Variants in SYPL1 observed in about 807,000 individuals in gnomAD.
SYPL1 encodes the protein synaptophysin-like protein 1.
In SYPL1, 6 loss-of-function variants were observed where a neutral mutation model predicts 23.7. The ratio of observed to expected loss-of-function variants is 0.25; its 90% CI spans 0.14 to 0.50. SYPL1 has a LOEUF of 0.50. SYPL1 is among the 20% of genes least tolerant of loss of function. The probability of loss-of-function intolerance (pLI) is 0.98; values close to 1 mark genes in which losing one functional copy is unlikely to be tolerated. For missense variants in SYPL1, 253 were observed against 288.9 expected (o/e 0.88, Z 0.90); for synonymous variants, 102 against 104.5 (o/e 0.98, Z 0.15).
At position 106,091,781 on chromosome 7, in the gene SYPL1, C is replaced by A; in HGVS notation, c.*24G>T. ...CATGTCATAGTATCAACATATACTT[C>A]ATACAGTGTATTTCTCCCTTTAATT... On this transcript the variant is annotated 3_prime_UTR_variant, in exon 5 of 5. Coordinates refer to ENST00000455385, the MANE Select transcript of SYPL1 (RefSeq NM_182715.4). The surrounding 1 kb of genome is among the most constrained non-coding windows in gnomAD (Gnocchi z 5.0). 6.3e-7 allele frequency: 1 copy of A among 1,599,672 alleles called. No homozygotes were observed. The highest frequency in any genetic ancestry group is 8.5e-7 in the Non-Finnish European group (1 of 1,175,514).
At chr7:106,107,397 A>G (rs1840658638) in intron 1 of SYPL1, among the ~76,000 whole-genome samples, 1 of 152,340 alleles carries the variant, frequency 6.6e-6, no homozygotes, top group Admixed American at 6.5e-5. Flanking sequence ...CTAATGTACA[A>G]TAGTAGAAAA....
intron 3 of SYPL1, among the ~76,000 whole-genome samples, chr7:106,093,966 G>T (rs1301634711): frequency 6.6e-6 from 1 of 152,212 alleles, no homozygotes; most frequent in African/African-American, 2.4e-5. Context: ...TGGTTCTAAT[G>T]GGTGGTTTTA....
chr7:106,108,165 G>T (rs1478698780), intron 1 of SYPL1, among the ~76,000 whole-genome samples: 1 of 152,164 alleles, frequency 6.6e-6, no homozygotes, highest in Non-Finnish European at 1.5e-5. Flanking sequence ...CTGCACTCCA[G>T]CCTGGACAAG....
chr7:106,093,563 CCTT>C (rs1403728899), intron 3 of SYPL1, among the ~76,000 whole-genome samples: 9 of 69,118 alleles, frequency 1.3e-4, no homozygotes, highest in Non-Finnish European at 2.8e-4. Context: ...TCCTAAAACT[CCTT>C]TGACCCCACC....
At chr7:106,111,324 T>C (rs1452623415) in intron 1 of SYPL1, among the ~76,000 whole-genome samples, 1 of 152,214 alleles carries the variant, frequency 6.6e-6, no homozygotes, top group Admixed American at 6.5e-5. Flanking sequence ...TGCAGAAATA[T>C]GTAGTGGGCC....
intron 1 of SYPL1, among the ~76,000 whole-genome samples, chr7:106,107,093 G>C (rs181908643): frequency 6.6e-6 from 1 of 152,106 alleles, no homozygotes; most frequent in Non-Finnish European, 1.5e-5. Flanking sequence ...TTCAAAAATA[G>C]ATATAAAAGT....
chr7:106,102,343 G>A (rs1218973435), intron 1 of SYPL1, among the ~76,000 whole-genome samples: 3 of 152,172 alleles, frequency 2.0e-5, no homozygotes, highest in African/African-American at 2.4e-5. Context: ...TGATCCACCC[G>A]CCTTGGCCTC....
Position 106,095,029 on chromosome 7 carries a change from C to A in SYPL1, c.403-1892G>T, listed in dbSNP as rs913810720. ...TGCAGCTGCCTAGGGCAGCTCTACT[C>A]CTCCCAACAATTCACAATATGAGTC... On this transcript the variant is annotated intron_variant, in intron 3 of 4. Transcript: ENST00000455385. The surrounding 1 kb of genome is among the most constrained non-coding windows in gnomAD (Gnocchi z 4.3). Among the ~76,000 whole-genome samples the A allele has an allele frequency of 6.6e-6, 1 of 152,184 alleles. No individual in the cohort carries two copies. Among genetic ancestry groups the A allele is most frequent in the African/African-American group, 2.4e-5 (1 of 41,444 alleles).
intron 3 of SYPL1, among the ~76,000 whole-genome samples, chr7:106,094,729 T>C (rs1839931475): frequency 6.6e-6 from 1 of 152,202 alleles, no homozygotes. Flanking sequence ...ACAACTTTGA[T>C]CAATATATGT....
At chr7:106,099,894 A>C in intron 1 of SYPL1, among the ~76,000 whole-genome samples, 1 of 152,190 alleles carries the variant, frequency 6.6e-6, no homozygotes, top group Non-Finnish European at 1.5e-5. Context: ...TAAAACATTC[A>C]TTTGCAAACC....
chr7:106,090,960 A>G lies in SYPL1; in HGVS notation c.*845T>C, dbSNP rs1291672888. ...TTTAACCCTTTGACTAGGGTCTGTA[A>G]AAAACGGTGGATTATTTTACTGTAC... On this transcript the variant is annotated 3_prime_UTR_variant, in exon 5 of 5. Transcript: ENST00000455385. The G allele has an allele frequency of 6.6e-6, 1 of 152,238 alleles. No individual in the cohort carries two copies. 9.4% of individuals were successfully genotyped at this position (152,238 alleles called of 1,614,324 possible). A position where few individuals can be genotyped will look rare whatever the true frequency, so the allele number is the denominator to read the frequency against.
rs1840276016 is a variant in SYPL1 at position 106,100,908 on chromosome 7, AC to A, written c.70-1627del. ...GATCCTTTCTTCCCTTATATTTCTG[AC>A]CTCATGTTGCTACTTTTTCCTTTAC... On this transcript the variant is annotated intron_variant, in intron 1 of 4. Transcript: ENST00000455385. The surrounding 1 kb of genome is among the most constrained non-coding windows in gnomAD (Gnocchi z 5.1). Among the ~76,000 whole-genome samples, 1 of 152,162 alleles carries A rather than the reference AC, an allele frequency of 6.6e-6. No homozygotes were observed. Among genetic ancestry groups the A allele is most frequent in the Non-Finnish European group, 1.5e-5 (1 of 68,036 alleles).
In SYPL1 at chr7:106,097,869, G is replaced by C. The variant is rs1292215830; in HGVS notation, c.223C>G (p.Pro75Ala). Residue 75 changes from proline (P) to alanine (A), a missense_variant, in exon 3 of 5, where the codon CCA becomes GCA. Pro to Ala is a conservative substitution (Grantham distance 27, BLOSUM62 -1). Coordinates refer to ENST00000455385, the MANE Select transcript of SYPL1 (RefSeq NM_182715.4). The surrounding 1 kb of genome is among the most constrained non-coding windows in gnomAD (Gnocchi z 4.6). ...RLNEASFQPP[P>A]GVNICDVNWK... ...TTTACATCACATATGTTTACACCTG[G>C]AGGTGGCTGAAATGATGCCTCATTC... 4 of 1,613,088 alleles carry C rather than the reference G, an allele frequency of 2.5e-6. No homozygotes were observed. The highest frequency in any genetic ancestry group is 2.2e-5 in the East Asian group (1 of 44,848).
In SYPL1 at chr7:106,097,974, T is replaced by C. The variant is rs982539801; in HGVS notation, c.195-77A>G. ...ATTTAAGCAAAACAATGAGTGACACTTCAAAAAATACTCCCCAAATATATT... is the reference window on the plus strand; with the variant it reads ...ATTTAAGCAAAACAATGAGTGACACCTCAAAAAATACTCCCCAAATATATT... On this transcript the variant is annotated intron_variant, in intron 2 of 4. Transcript: ENST00000455385. This position sits in a 1 kb window ranked among gnomAD's most constrained non-coding sequence, Gnocchi z 4.6. The C allele has an allele frequency of 8.4e-6, 10 of 1,187,530 alleles. No homozygotes were observed. The highest frequency in any genetic ancestry group is 1.2e-5 in the Non-Finnish European group (10 of 844,128). The allele number at this position is 1,187,530 out of a possible 1,614,324, so 73.6% of individuals were successfully genotyped here.
chr7:106,097,289 A>AAACTC lies in SYPL1; in HGVS notation c.402+396_402+400dup, dbSNP rs1446166957. On this transcript the variant is annotated intron_variant, in intron 3 of 4. Transcript: ENST00000455385. The surrounding 1 kb of genome is among the most constrained non-coding windows in gnomAD (Gnocchi z 4.6). ...TAGTTTGTGAACCCATGATATAATT[A>AAACTC]AACTCAATAAGTTTTGTAGAAGTAT... 1.3e-5 allele frequency among the ~76,000 whole-genome samples: 2 copies of AAACTC among 152,220 alleles called. No homozygotes were observed. The highest frequency in any genetic ancestry group is 4.8e-5 in the African/African-American group (2 of 41,452).
At position 106,091,740 on chromosome 7, in the gene SYPL1, C is replaced by T. The variant is rs1839738172; in HGVS notation, c.*65G>A. On this transcript the variant is annotated 3_prime_UTR_variant, in exon 5 of 5. Transcript: ENST00000455385. The surrounding 1 kb of genome is among the most constrained non-coding windows in gnomAD (Gnocchi z 5.0). ...CTTTTATTAGAAACAAATAATGCTT[C>T]TCAAGGTGTTGGCAACATGTCATAG... 1 of 1,505,612 alleles carries T rather than the reference C, an allele frequency of 6.6e-7. No individual in the cohort carries two copies. The highest frequency in any genetic ancestry group is 1.4e-5 in the African/African-American group (1 of 71,598). The allele number at this position is 1,505,612 out of a possible 1,614,324, so 93.3% of individuals were successfully genotyped here.
At chr7:106,112,358 G>A (rs13246433), upstream of SYPL1, 97,148 of 1,276,564 alleles carry the variant, frequency 0.076, 4,101 homozygotes, top group Non-Finnish European at 0.083. Context: ...GGGGCGGGGC[G>A]GGGCGGAGCG....
rs372473450 is a variant in SYPL1 at position 106,111,853 on chromosome 7, C to T, written c.69+287G>A. The T allele has an allele frequency of 1.8e-4, 36 of 194,990 alleles. 1 individual carries two copies. In the East Asian group the frequency reaches 3.9e-3, roughly 21 times the overall value. 12.1% of individuals were successfully genotyped at this position (194,990 alleles called of 1,614,324 possible). A position where few individuals can be genotyped will look rare whatever the true frequency, so the allele number is the denominator to read the frequency against. On this transcript the variant is annotated intron_variant, in intron 1 of 4. Coordinates refer to ENST00000455385, the MANE Select transcript of SYPL1 (RefSeq NM_182715.4). ...CAGTGGAGCCAAGGGGAAATTTGAA[C>T]TCCCACTCCACGGGGACACCCAGAG...
chr7:106,107,272 TAA>T (rs751423151), intron 1 of SYPL1, among the ~76,000 whole-genome samples: 76 of 152,350 alleles, frequency 5.0e-4, no homozygotes, highest in Admixed American at 1.0e-3. Flanking sequence ...AAATGTTTAC[TAA>T]AGTTATTCAT....
Sources: gnomAD v4.1 joint callset for allele counts (sites outside exome capture counted in the v4.1 genomes callset) on GRCh38, gnomAD v4.1.1 for gene constraint, Gnocchi (gnomAD v3.1) non-coding constraint, MANE v1.5 for transcripts, NCBI Gene and HGNC (gene_info 2026-07-23, HGNC 2026-07-21) for gene names.